Variants in ECPAS observed in about 807,000 individuals in gnomAD.
ECPAS encodes the protein proteasome adapter and scaffold protein ECM29.
Under a neutral mutation model 255.1 loss-of-function variants are expected in ECPAS, and 70 were observed. The ratio of observed to expected loss-of-function variants is 0.27; its 90% CI spans 0.23 to 0.33. The LOEUF is 0.33. Among genes scored for constraint, ECPAS ranks in the 10% least tolerant of loss-of-function variants. The pLI, the probability that ECPAS is intolerant of heterozygous loss-of-function variation, is 1.00. For missense variants in ECPAS, 1,817 were observed against 2,206.4 expected, an observed-to-expected ratio of 0.82 and a Z score of 3.54; for synonymous variants, 784 against 775.0, an observed-to-expected ratio of 1.01 and a Z score of -0.19.
intron 30 of ECPAS, 68 bp downstream of exon 30, chr9:111,389,916 T>C: frequency 8.2e-7 from 1 of 1,225,432 alleles, no homozygotes; most frequent in South Asian, 1.3e-5. Context: ...CATTTGCCAC[T>C]GTCTGCCAAT....
intron 2 of ECPAS, among the ~76,000 whole-genome samples, chr9:111,460,707 C>T (rs983934607): frequency 2.0e-5 from 3 of 152,070 alleles, no homozygotes; most frequent in Non-Finnish European, 2.9e-5. Flanking sequence ...CAAAACACAT[C>T]GAATAGCTGG....
intron 34 of ECPAS, 106 bp downstream of exon 34, chr9:111,384,416 A>G (rs2131578376): frequency 1.9e-6 from 2 of 1,030,834 alleles, no homozygotes; most frequent in East Asian, 2.4e-5. Flanking sequence ...CATGAAGCCA[A>G]TTATACTGCA....
At position 111,404,189 on chromosome 9, in the gene ECPAS, G is replaced by A. The variant is rs951521087; in HGVS notation, c.2652+4382C>T. On this transcript the variant is annotated intron_variant, in intron 24 of 49. Coordinates refer to ENST00000684092, the MANE Select transcript of ECPAS (RefSeq NM_001364929.1). ...AAAGACTTCAAATAAACAACATAAT[G>A]ATGCACTTTAAAGAACTAGAAAAGC... Among the ~76,000 whole-genome samples, 80 of 149,220 alleles carry A rather than the reference G, an allele frequency of 5.4e-4. 1 individual carries two copies. The highest frequency in any genetic ancestry group is 5.0e-3 in the Admixed American group (75 of 15,132).
chr9:111,466,777 G>C (rs2098280149), intron 2 of ECPAS, among the ~76,000 whole-genome samples: 1 of 152,114 alleles, frequency 6.6e-6, no homozygotes, highest in Non-Finnish European at 1.5e-5. Flanking sequence ...TAGAATCACA[G>C]ACATATGCCA....
intron 1 of ECPAS, among the ~76,000 whole-genome samples, chr9:111,482,540 G>C (rs1207414217): frequency 6.6e-6 from 1 of 151,988 alleles, no homozygotes; most frequent in Non-Finnish European, 1.5e-5. Context: ...AACAACGTAA[G>C]CTTCATAAAG....
intron 1 of ECPAS, among the ~76,000 whole-genome samples, chr9:111,483,295 G>T (rs2098309596): frequency 6.6e-6 from 1 of 151,908 alleles, no homozygotes; most frequent in South Asian, 2.1e-4. Context: ...ATTTCGCAAC[G>T]TGACGGTGCA....
intron 5 of ECPAS, 87 bp downstream of exon 5, chr9:111,442,219 C>A: frequency 1.2e-6 from 1 of 861,774 alleles, no homozygotes; most frequent in South Asian, 1.7e-5. Context: ...CCCATTTGCT[C>A]AAGTAAAACC....
intron 8 of ECPAS, among the ~76,000 whole-genome samples, chr9:111,432,890 C>T (rs950745497): frequency 3.3e-5 from 5 of 152,054 alleles, no homozygotes; most frequent in African/African-American, 1.2e-4. Flanking sequence ...TAAAAGTAAT[C>T]TCGAATGGTT....
chr9:111,430,698 T>C (rs1286988259), intron 8 of ECPAS, 70 bp from the exon 9 acceptor site: 2 of 916,548 alleles, frequency 2.2e-6, no homozygotes, highest in South Asian at 3.0e-5. Context: ...AAAAAAATTA[T>C]AGCCCCAACA....
At chr9:111,419,896 C>T in intron 16 of ECPAS, 121 bp downstream of exon 16, 3 of 677,470 alleles carry the variant, frequency 4.4e-6, no homozygotes, top group Admixed American at 2.2e-5. Context: ...AAGAGCCATA[C>T]TTTCTTTAAT....
At chr9:111,459,306 C>T (rs2098270532) in intron 2 of ECPAS, among the ~76,000 whole-genome samples, 1 of 151,556 alleles carries the variant, frequency 6.6e-6, no homozygotes, top group African/African-American at 2.4e-5. Context: ...GCCCAGGCTG[C>T]TTGTGAACTC....
Position 111,394,299 on chromosome 9 carries a change from T to C in ECPAS, c.2783A>G (p.Lys928Arg), listed in dbSNP as rs61741388. ...CACCCATGGAACCACATCATTCACT[T>C]TGGCTCCTGGGGAAAAGCAAAGAAA... ...EEEYTPPAGA[K>R]VNDVVPWVLD... The change falls in exon 26 of 50, where the codon AAA becomes AGA. Residue 928 changes from lysine to arginine, a missense_variant. Coordinates refer to ENST00000684092, the MANE Select transcript of ECPAS (RefSeq NM_001364929.1). 2.0e-3 allele frequency: 3,061 copies of C among 1,514,782 alleles called. 52 individuals are homozygous for C. In the African/African-American group the frequency reaches 0.039, roughly 19 times the overall value. The allele number at this position is 1,514,782 out of a possible 1,614,324, so 93.8% of individuals were successfully genotyped here.
chr9:111,400,546 G>A (rs1193927256), intron 24 of ECPAS, among the ~76,000 whole-genome samples: 4 of 152,064 alleles, frequency 2.6e-5, no homozygotes, highest in African/African-American at 9.7e-5. Flanking sequence ...ACATGGAGAA[G>A]GAATTCAGAA....
At chr9:111,480,913 T>G (rs1226896820) in intron 1 of ECPAS, among the ~76,000 whole-genome samples, 7 of 152,212 alleles carry the variant, frequency 4.6e-5, no homozygotes, top group Admixed American at 3.9e-4. Context: ...AGTACCTGAA[T>G]GTATGGAAGC....
chr9:111,480,908 C>A (rs867906162), intron 1 of ECPAS, among the ~76,000 whole-genome samples: 2 of 152,216 alleles, frequency 1.3e-5, no homozygotes, highest in African/African-American at 4.8e-5. Flanking sequence ...TAACCAGTAC[C>A]TGAATGTATG....
intron 24 of ECPAS, among the ~76,000 whole-genome samples, chr9:111,401,096 T>C (rs551510845): frequency 3.3e-5 from 5 of 151,856 alleles, no homozygotes; most frequent in Non-Finnish European, 7.4e-5. Flanking sequence ...GGGAGTGAAA[T>C]AACATATTCA....
intron 8 of ECPAS, among the ~76,000 whole-genome samples, chr9:111,430,880 A>G (rs1028871903): frequency 3.3e-5 from 5 of 152,212 alleles, no homozygotes; most frequent in African/African-American, 1.2e-4. Flanking sequence ...CAATGGCACA[A>G]TTTGGTACCA....
Position 111,484,253 on chromosome 9 carries a change from C to G in ECPAS, c.-220G>C, listed in dbSNP as rs891111327. 6.7e-7 allele frequency: 1 copy of G among 1,487,158 alleles called. No homozygotes were observed. The highest frequency in any genetic ancestry group is 1.4e-5 in the South Asian group (1 of 73,184). The allele number at this position is 1,487,158 out of a possible 1,614,324, so 92.1% of individuals were successfully genotyped here. ...CGTGAGGGGCTGGGCCGAGCGGGCC[C>G]GGGCTGCCCTAGCGGCCGGGGGAAA... is the stretch of plus-strand genomic sequence containing the variant. On this transcript the variant is annotated 5_prime_UTR_variant, in exon 1 of 50. Coordinates refer to ENST00000684092, the MANE Select transcript of ECPAS (RefSeq NM_001364929.1).
chr9:111,383,077 A>T, intron 35 of ECPAS, 134 bp downstream of exon 35: 1 of 1,045,326 alleles, frequency 9.6e-7, no homozygotes, highest in Non-Finnish European at 1.4e-6. Context: ...GTGACTCACA[A>T]GTTTTCACAA....
Sources: gnomAD v4.1 joint callset for allele counts (sites outside exome capture counted in the v4.1 genomes callset) on GRCh38, gnomAD v4.1.1 for gene constraint, MANE v1.5 for transcripts, NCBI Gene and HGNC (gene_info 2026-07-23, HGNC 2026-07-21) for gene names.